YAE1: variants seen among roughly 807,000 people sequenced by gnomAD.
YAE1 encodes the protein protein YAE1 homolog.
A neutral mutation model predicts 23.0 loss-of-function variants in YAE1; 22 were observed. The ratio of observed to expected loss-of-function variants is 0.96; its 90% CI spans 0.68 to 1.37. The LOEUF is 1.37. Among genes scored for constraint, YAE1 ranks in the 40% most tolerant of loss-of-function variants. The pLI, the probability that YAE1 is intolerant of heterozygous loss-of-function variation, is 0.00. For synonymous variants in YAE1, 101 were observed against 97.0 expected (o/e 1.04, Z -0.24); for missense variants, 260 against 262.1 (o/e 0.99, Z 0.06).
exon 3 of YAE1, chr7:39,610,125 T>C (rs1262041084): frequency 2.1e-6 from 2 of 936,192 alleles, no homozygotes; most frequent in Non-Finnish European, 3.1e-6. Context: ...TAGAACAATA[T>C]GTACACGTCT....
At chr7:39,570,339 C>A in intron 1 of YAE1, 167 bp from the exon 2 acceptor site, 2 of 804,594 alleles carry the variant, frequency 2.5e-6, no homozygotes, top group Non-Finnish European at 3.9e-6. Context: ...CAATAATAAA[C>A]TTAGGAGAAG....
intron 2 of YAE1, chr7:39,571,102 A>G (rs1040219596): frequency 6.5e-6 from 1 of 154,008 alleles, no homozygotes; most frequent in Non-Finnish European, 1.4e-5. Flanking sequence ...ACACAGAGCC[A>G]GGAGCCTAGC....
intron 2 of YAE1, among the ~76,000 whole-genome samples, chr7:39,589,369 G>A (rs1326988124): frequency 2.0e-5 from 3 of 152,070 alleles, no homozygotes; most frequent in Admixed American, 6.5e-5. Flanking sequence ...AAATGCTTGA[G>A]CATTTCTCCC....
At chr7:39,566,662 A>G (rs965020085) in intron 1 of YAE1, 115 bp downstream of exon 1, 1 of 1,429,914 alleles carries the variant, frequency 7.0e-7, no homozygotes, top group South Asian at 1.4e-5. Context: ...CTTTATCCCT[A>G]GGGACCCGGT....
At chr7:39,597,955 A>T (rs1791000452) in intron 2 of YAE1, among the ~76,000 whole-genome samples, 1 of 151,848 alleles carries the variant, frequency 6.6e-6, no homozygotes, top group Non-Finnish European at 1.5e-5. Context: ...GATAAGAAAA[A>T]TTTTTCTTTT....
rs1790589641 is a variant in YAE1, at chr7:39,572,564, G to A, written c.539G>A (p.Cys180Tyr). ...NCSKSHSGID[C>Y]SYVECCRTQE... Reference sequence around the variant, plus strand: ...AGCAAGAGCCATAGTGGGATAGATTGTTCATATGTAGAATGTTGTAGAACA... The same window carrying A: ...AGCAAGAGCCATAGTGGGATAGATTATTCATATGTAGAATGTTGTAGAACA... Residue 180 changes from cysteine to tyrosine, a missense_variant, in exon 3 of 3, where the codon TGT becomes TAT. Cys to Tyr is a radical substitution (Grantham distance 194, BLOSUM62 -2). Transcript: ENST00000223273. 3 of 1,614,130 alleles carry A rather than the reference G, an allele frequency of 1.9e-6. No individual in the cohort carries two copies. The highest frequency in any genetic ancestry group is 2.5e-6 in the Non-Finnish European group (3 of 1,179,970).
At chr7:39,590,536 A>G (rs190312303) in intron 2 of YAE1, among the ~76,000 whole-genome samples, 27 of 152,282 alleles carry the variant, frequency 1.8e-4, no homozygotes, top group Non-Finnish European at 3.4e-4. Flanking sequence ...ATGTTTTTTT[A>G]ATTTAGGGAT....
chr7:39,584,556 G>A (rs1790786805), intron 2 of YAE1, among the ~76,000 whole-genome samples: 1 of 151,922 alleles, frequency 6.6e-6, no homozygotes, highest in Non-Finnish European at 1.5e-5. Context: ...AAACAATTAG[G>A]GCCTATTGTG....
downstream of YAE1, chr7:39,572,962 G>A (rs118187277): frequency 3.4e-3 from 3,249 of 953,618 alleles, 8 homozygotes; most frequent in Admixed American, 4.5e-3. Flanking sequence ...CCAAACTTGT[G>A]GTCAAAATGA....
chr7:39,609,664 G>C (rs1159780678), exon 3 of YAE1: 18 of 1,535,590 alleles, frequency 1.2e-5, no homozygotes, highest in Non-Finnish European at 1.6e-5. Context: ...CCGCTGAGGA[G>C]TCCGGAGGTT....
At chr7:39,570,793 A>G in intron 2 of YAE1, 166 bp downstream of exon 2, 1 of 779,760 alleles carries the variant, frequency 1.3e-6, no homozygotes. Flanking sequence ...CAAAATCTTT[A>G]TCAGCTCATC....
intron 2 of YAE1, among the ~76,000 whole-genome samples, chr7:39,605,453 A>G (rs1791116422): frequency 6.6e-6 from 1 of 152,196 alleles, no homozygotes; most frequent in African/African-American, 2.4e-5. Context: ...AATAGAACAG[A>G]AGACTGATCC....
chr7:39,609,780 C>G, exon 3 of YAE1: 1 of 1,532,678 alleles, frequency 6.5e-7, no homozygotes, highest in Non-Finnish European at 8.7e-7. Context: ...GAGCCTGGTT[C>G]CCCAAAGCGG....
chr7:39,581,999 C>T (rs539717757), intron 2 of YAE1, among the ~76,000 whole-genome samples: 1 of 152,150 alleles, frequency 6.6e-6, no homozygotes, highest in African/African-American at 2.4e-5. Context: ...ACAATTACAG[C>T]TTATGGCAGC....
chr7:39,578,423 T>C (rs1232298138), intron 2 of YAE1, among the ~76,000 whole-genome samples: 1 of 152,214 alleles, frequency 6.6e-6, no homozygotes, highest in Non-Finnish European at 1.5e-5. Flanking sequence ...TAGTTCCATG[T>C]TGTGGAAGCT....
intron 2 of YAE1, among the ~76,000 whole-genome samples, chr7:39,582,228 TC>T (rs1790753876): frequency 6.6e-6 from 1 of 152,100 alleles, no homozygotes; most frequent in Non-Finnish European, 1.5e-5. Flanking sequence ...AGATAGGGCC[TC>T]ACTGTGTTGC....
chr7:39,594,759 T>A (rs1790952449), intron 2 of YAE1, among the ~76,000 whole-genome samples: 1 of 152,146 alleles, frequency 6.6e-6, no homozygotes, highest in South Asian at 2.1e-4. Flanking sequence ...CATGCCTGGC[T>A]AATTTTTTGT....
At chr7:39,590,899 A>C (rs1424125442) in intron 2 of YAE1, among the ~76,000 whole-genome samples, 1 of 152,088 alleles carries the variant, frequency 6.6e-6, no homozygotes, top group African/African-American at 2.4e-5. Flanking sequence ...ATTTCCTGAG[A>C]TCACCTACTG....
chr7:39,597,641 C>T (rs1790995340), intron 2 of YAE1, among the ~76,000 whole-genome samples: 2 of 152,128 alleles, frequency 1.3e-5, no homozygotes, highest in Admixed American at 1.3e-4. Context: ...CAATGTAAAA[C>T]CAGTGTTAGC....
Sources: allele counts gnomAD v4.1 joint callset (sites outside exome capture counted in the v4.1 genomes callset), GRCh38; gene constraint gnomAD v4.1.1; transcripts MANE v1.5; gene names NCBI Gene and HGNC (gene_info 2026-07-23, HGNC 2026-07-21).